The following SEMA3A variants were observed in gnomAD, a reference collection of about 807,000 sequenced individuals.
SEMA3A encodes semaphorin-3A.
A neutral mutation model predicts 97.9 loss-of-function variants in SEMA3A; 29 were observed. The ratio of observed to expected loss-of-function variants is 0.30; its 90% CI spans 0.22 to 0.40. SEMA3A has a LOEUF of 0.40. Among genes scored for constraint, SEMA3A ranks in the 10% least tolerant of loss-of-function variants. The pLI is 1.00. For missense variants in SEMA3A, 763 were observed against 951.3 expected, an observed-to-expected ratio of 0.80 and a Z score of 2.60; for synonymous variants, 321 against 323.7, an observed-to-expected ratio of 0.99 and a Z score of 0.09.
chr7:84,040,435 C>A (rs560191624), intron 6 of SEMA3A, among the ~76,000 whole-genome samples: 1 of 152,058 alleles, frequency 6.6e-6, no homozygotes, highest in East Asian at 1.9e-4. Flanking sequence ...GCAAGCCACA[C>A]GCAAGTGCAC....
chr7:84,172,447 G>A (rs953310453), intron 1 of SEMA3A, among the ~76,000 whole-genome samples: 6 of 151,884 alleles, frequency 4.0e-5, no homozygotes, highest in African/African-American at 1.2e-4. Flanking sequence ...TTTTGAGACA[G>A]AGTCTCGCTC....
At chr7:84,347,076 G>A (rs1802315830) in intron 2 of SEMA3A, among the ~76,000 whole-genome samples, 1 of 152,100 alleles carries the variant, frequency 6.6e-6, no homozygotes, top group South Asian at 2.1e-4. Flanking sequence ...AAATTTACCT[G>A]TATTATTTGT....
chr7:84,415,431 C>T (rs1804406753), intron 1 of SEMA3A, among the ~76,000 whole-genome samples: 1 of 151,984 alleles, frequency 6.6e-6, no homozygotes, highest in Non-Finnish European at 1.5e-5. Context: ...TGTGAAGTAA[C>T]AGAACTTCCA....
chr7:84,329,490 G>A (rs1229082274), intron 2 of SEMA3A, among the ~76,000 whole-genome samples: 1 of 151,874 alleles, frequency 6.6e-6, no homozygotes, highest in Non-Finnish European at 1.5e-5. Context: ...TGTGGCCCAC[G>A]GGAGCCAAAA....
intron 1 of SEMA3A, among the ~76,000 whole-genome samples, chr7:84,478,330 T>A (rs1167089572): frequency 6.6e-6 from 1 of 152,138 alleles, no homozygotes; most frequent in East Asian, 1.9e-4. Context: ...ATGTTCAGAA[T>A]ACAATGGGAA....
chr7:84,004,253 TA>T (rs2116393844), intron 11 of SEMA3A, among the ~76,000 whole-genome samples: 1 of 152,070 alleles, frequency 6.6e-6, no homozygotes, highest in East Asian at 1.9e-4. Flanking sequence ...ATATTACTAT[TA>T]AAAAGAGCTG....
intron 3 of SEMA3A, among the ~76,000 whole-genome samples, chr7:84,248,147 A>G (rs1799517911): frequency 6.6e-6 from 1 of 152,220 alleles, no homozygotes; most frequent in African/African-American, 2.4e-5. Context: ...CCTTTCCAGT[A>G]AATGACAAAC....
intron 1 of SEMA3A, among the ~76,000 whole-genome samples, chr7:84,422,124 C>T (rs761737099): frequency 6.6e-5 from 10 of 151,968 alleles, no homozygotes; most frequent in African/African-American, 1.7e-4. Context: ...TGGTAGAATT[C>T]GGCTGTGAAT....
At chr7:84,057,516 C>T (rs887881324) in intron 5 of SEMA3A, among the ~76,000 whole-genome samples, 1 of 152,008 alleles carries the variant, frequency 6.6e-6, no homozygotes, top group East Asian at 1.9e-4. Context: ...CCTGTAATCC[C>T]AGCACTTTGG....
chr7:84,002,482 A>G (rs1190050763), intron 11 of SEMA3A, among the ~76,000 whole-genome samples: 2 of 152,186 alleles, frequency 1.3e-5, no homozygotes, highest in Non-Finnish European at 2.9e-5. Flanking sequence ...CACTTTTATT[A>G]CAAAATCAGG....
chr7:84,339,680 A>G (rs2115981385), intron 2 of SEMA3A, among the ~76,000 whole-genome samples: 1 of 152,318 alleles, frequency 6.6e-6, no homozygotes, highest in East Asian at 1.9e-4. Context: ...TTCCACTTAT[A>G]CAATTAACTA....
In SEMA3A at chr7:84,426,313, TAGATAGAC is replaced by T. The variant is rs1260324712; in HGVS notation, c.-245-54421_-245-54414del. ...ATAGATAGATAGATAGATAGATAGA[TAGATAGAC>T]AGACAAATGCCTTGAAAGAAATAAA... On this transcript the variant is annotated intron_variant, in intron 1 of 3. Coordinates refer to the SEMA3A transcript ENST00000424555. Among the ~76,000 whole-genome samples the T allele has an allele frequency of 5.1e-3, 767 of 151,568 alleles. 5 individuals are homozygous for T. The highest frequency in any genetic ancestry group is 0.016 in the African/African-American group (654 of 41,214).
intron 1 of SEMA3A, among the ~76,000 whole-genome samples, chr7:84,441,044 G>A (rs991542491): frequency 6.6e-6 from 1 of 152,116 alleles, no homozygotes; most frequent in Non-Finnish European, 1.5e-5. Flanking sequence ...TGTAATCCCA[G>A]CTACTGGAGA....
chr7:84,174,859 A>G (rs1449429239), intron 1 of SEMA3A, among the ~76,000 whole-genome samples: 2 of 152,098 alleles, frequency 1.3e-5, no homozygotes, highest in African/African-American at 4.8e-5. Context: ...TGAGGAAAAG[A>G]AAAAAAATTC....
intron 3 of SEMA3A, among the ~76,000 whole-genome samples, chr7:84,290,601 C>A (rs1800716566): frequency 6.6e-6 from 1 of 152,078 alleles, no homozygotes; most frequent in Non-Finnish European, 1.5e-5. Context: ...ACTCCCGTGG[C>A]ATGGTAAGTC....
intron 1 of SEMA3A, among the ~76,000 whole-genome samples, chr7:84,460,719 T>G (rs1805813984): frequency 6.6e-6 from 1 of 152,234 alleles, no homozygotes; most frequent in Non-Finnish European, 1.5e-5. Context: ...TATTATATGC[T>G]TTGCTTTGCA....
intron 1 of SEMA3A, among the ~76,000 whole-genome samples, chr7:84,372,640 AGAAATCACCTGACCT>A (rs1803001732): frequency 6.6e-6 from 1 of 152,276 alleles, no homozygotes; most frequent in South Asian, 2.1e-4. Flanking sequence ...TTTCATAGGT[AGAAATCACCTGACCT>A]GAAATTAAAA....
intron 3 of SEMA3A, among the ~76,000 whole-genome samples, chr7:84,262,566 T>C (rs2115666614): frequency 6.6e-6 from 1 of 152,294 alleles, no homozygotes; most frequent in East Asian, 1.9e-4. Flanking sequence ...TATTCAACAT[T>C]TAAAAGAGAT....
Position 84,492,027 on chromosome 7 carries a change from T to C in SEMA3A, c.-246+433A>G, listed in dbSNP as rs560728182. Among the ~76,000 whole-genome samples the C allele has an allele frequency of 2.6e-5, 4 of 152,276 alleles. No individual in the cohort carries two copies. In the South Asian group the frequency reaches 6.2e-4, roughly 24 times the overall value. ...TACGCAAATTCCTCACATTAATGTA[T>C]GAAGAGTAACGTAGCAGTATAGTTA... On this transcript the variant is annotated intron_variant, in intron 1 of 3. Transcript: ENST00000424555.
Sources: allele counts gnomAD v4.1 joint callset (sites outside exome capture counted in the v4.1 genomes callset), GRCh38; gene constraint gnomAD v4.1.1; transcripts MANE v1.5; gene names NCBI Gene and HGNC (gene_info 2026-07-23, HGNC 2026-07-21).